The following SSBP3 variants were observed in gnomAD, a reference collection of about 807,000 sequenced individuals.
SSBP3 encodes single-stranded DNA-binding protein 3.
SSBP3 carries 5 observed loss-of-function variants against 69.6 expected under a neutral mutation model. That is an observed-to-expected ratio of 0.07 (90% confidence interval 0.04 to 0.15). The LOEUF is 0.15. SSBP3 is among the 10% of genes least tolerant of loss of function. SSBP3 has a pLI of 1.00. For synonymous variants in SSBP3, 196 were observed against 193.4 expected, an observed-to-expected ratio of 1.01 and a Z score of -0.11; for missense variants, 312 against 534.0, an observed-to-expected ratio of 0.58 and a Z score of 4.10.
upstream of SSBP3, among the ~76,000 whole-genome samples, chr1:54,409,541 G>C (rs951104389): frequency 4.6e-5 from 7 of 152,030 alleles, no homozygotes; most frequent in Admixed American, 6.6e-5. Flanking sequence ...CAGCCCCAAA[G>C]TACTGGGCCC....
intron 14 of SSBP3, 122 bp downstream of exon 14, chr1:54,239,007 A>G (rs1644555615): frequency 4.0e-6 from 3 of 744,594 alleles, no homozygotes; most frequent in Non-Finnish European, 6.4e-6. Flanking sequence ...CTGACGGTTT[A>G]TTTTATTCAT....
chr1:54,340,648 C>T (rs540127322), intron 4 of SSBP3, among the ~76,000 whole-genome samples: 1 of 152,358 alleles, frequency 6.6e-6, no homozygotes, highest in East Asian at 1.9e-4. Context: ...TTCCAGGATC[C>T]TCAGTGGCTT....
intron 14 of SSBP3, among the ~76,000 whole-genome samples, chr1:54,233,698 C>T (rs538490895): frequency 8.7e-5 from 13 of 149,610 alleles, no homozygotes; most frequent in Middle Eastern, 7.1e-3. Context: ...CCAGCCGCCC[C>T]GTCTGGGAGG....
intron 4 of SSBP3, among the ~76,000 whole-genome samples, chr1:54,354,124 C>T (rs144529400): frequency 1.7e-4 from 26 of 152,336 alleles, no homozygotes; most frequent in African/African-American, 5.3e-4. Context: ...GCAACCTGAT[C>T]TTATCTAGAA....
chr1:54,370,215 AAATGG>A (rs1268260375), intron 4 of SSBP3, among the ~76,000 whole-genome samples: 1 of 152,162 alleles, frequency 6.6e-6, no homozygotes, highest in Non-Finnish European at 1.5e-5. Flanking sequence ...CAGGGCTTCC[AAATGG>A]AATTCATTTA....
intron 14 of SSBP3, 112 bp downstream of exon 14, chr1:54,239,017 T>A (rs1163283537): frequency 1.3e-5 from 12 of 931,618 alleles, no homozygotes; most frequent in Non-Finnish European, 1.7e-5. Context: ...ATTTTATTCA[T>A]CTTTGGTAAC....
intron 4 of SSBP3, among the ~76,000 whole-genome samples, chr1:54,354,376 A>G (rs909860435): frequency 6.6e-6 from 1 of 152,102 alleles, no homozygotes; most frequent in Non-Finnish European, 1.5e-5. Flanking sequence ...CAATGCTGGG[A>G]CCCTCAATGG....
chr1:54,368,004 A>T (rs1041046601), intron 4 of SSBP3, among the ~76,000 whole-genome samples: 7 of 152,204 alleles, frequency 4.6e-5, no homozygotes, highest in African/African-American at 1.7e-4. Flanking sequence ...ACTCATTTAA[A>T]AAGATAGAAA....
intron 7 of SSBP3, 122 bp from the exon 8 acceptor site, chr1:54,251,982 G>C (rs1055478373): frequency 1.0e-4 from 83 of 802,870 alleles, no homozygotes; most frequent in Middle Eastern, 6.9e-4. Flanking sequence ...TGGCCTCCCT[G>C]AGACTTCTGC....
chr1:54,289,053 A>G (rs950445688), intron 4 of SSBP3, among the ~76,000 whole-genome samples: 1 of 128,056 alleles, frequency 7.8e-6, no homozygotes, highest in African/African-American at 3.1e-5. Context: ...AACAAAAAAA[A>G]AAAACAGTAA....
chr1:54,265,591 G>A (rs1383417629), intron 5 of SSBP3, among the ~76,000 whole-genome samples: 1 of 152,194 alleles, frequency 6.6e-6, no homozygotes, highest in Non-Finnish European at 1.5e-5. Context: ...GGCCCTTTGT[G>A]GGGAGAGGAC....
intron 5 of SSBP3, among the ~76,000 whole-genome samples, chr1:54,259,513 C>T (rs1043881277): frequency 5.3e-5 from 8 of 152,202 alleles, no homozygotes; most frequent in Non-Finnish European, 7.3e-5. Flanking sequence ...GGCCTCCATT[C>T]GCTCTTCCCC....
chr1:54,240,081 TGTGTGTGC>T (rs1439211657), intron 13 of SSBP3, among the ~76,000 whole-genome samples: 1,499 of 29,386 alleles, frequency 0.051, 17 homozygotes, highest in Middle Eastern at 0.11. Context: ...TGTGTGTGTG[TGTGTGTGC>T]GCGCGCGCGC....
rs57100863 is a variant in SSBP3, at chr1:54,345,729, C to T, written c.276+56132G>A. ...AGATTCCTAACAGAAGATTACTGTA[C>T]TGAGGCTGGGCGCGGTGGCTTACAC... On this transcript the variant is annotated intron_variant, in intron 4 of 17. Coordinates refer to ENST00000610401, the Ensembl canonical transcript of SSBP3. Among the ~76,000 whole-genome samples, 831 of 152,222 alleles carry T rather than the reference C, an allele frequency of 5.5e-3. 41 individuals are homozygous for T. The East Asian group carries it at 0.13, about 24-fold the overall frequency.
intron 3 of SSBP3, among the ~76,000 whole-genome samples, chr1:54,402,742 A>C (rs1649401336): frequency 6.6e-6 from 1 of 152,128 alleles, no homozygotes; most frequent in Admixed American, 6.5e-5. Flanking sequence ...CCCCCCACTA[A>C]AGATTTTGTA....
At chr1:54,305,703 C>T (rs563982997) in intron 4 of SSBP3, among the ~76,000 whole-genome samples, 1 of 151,870 alleles carries the variant, frequency 6.6e-6, no homozygotes, top group South Asian at 2.1e-4. Flanking sequence ...TGTGATCCTC[C>T]CACCTTGGCC....
At chr1:54,336,952 G>A (rs1427272288) in intron 4 of SSBP3, among the ~76,000 whole-genome samples, 3 of 152,182 alleles carry the variant, frequency 2.0e-5, no homozygotes, top group Admixed American at 1.3e-4. Flanking sequence ...GAGGTCCCGC[G>A]CAGAATCTAC....
At chr1:54,277,008 C>G (rs1278463779) in intron 5 of SSBP3, among the ~76,000 whole-genome samples, 2 of 152,184 alleles carry the variant, frequency 1.3e-5, no homozygotes, top group Non-Finnish European at 2.9e-5. Flanking sequence ...GCTAGGCTGG[C>G]TGCTCCTGTG....
At chr1:54,367,498 T>G (rs998676880) in intron 4 of SSBP3, among the ~76,000 whole-genome samples, 4 of 152,178 alleles carry the variant, frequency 2.6e-5, no homozygotes, top group Non-Finnish European at 5.9e-5. Context: ...TAATATGTAT[T>G]AAGTCCCTAC....
Sources: allele counts gnomAD v4.1 joint callset (sites outside exome capture counted in the v4.1 genomes callset), GRCh38; gene constraint gnomAD v4.1.1; transcripts MANE v1.5; gene names NCBI Gene and HGNC (gene_info 2026-07-23, HGNC 2026-07-21).